GSN: variants seen among roughly 807,000 people sequenced by gnomAD.
The protein encoded by GSN is actin-depolymerizing factor.
A neutral mutation model predicts 85.7 loss-of-function variants in GSN; 56 were observed. That is an observed-to-expected ratio of 0.65 (90% CI 0.53 to 0.82). The LOEUF (loss-of-function observed/expected upper bound fraction) is 0.82, where lower values mean the gene tolerates loss of function less well. GSN is among the 40% of genes least tolerant of loss of function. The pLI is 0.00. For missense variants in GSN, 857 were observed against 979.8 expected (o/e 0.87, Z 1.67); for synonymous variants, 373 against 399.1 (o/e 0.93, Z 0.78).
At chr9:121,265,436 A>G (rs1564366093), upstream of GSN, 1 of 152,224 alleles carries the variant, frequency 6.6e-6, no homozygotes, top group South Asian at 2.1e-4. Context: ...TTAATTAACC[A>G]TGATTGTCAT....
At position 121,299,823 on chromosome 9, in the gene GSN, C is replaced by T. The variant is rs1398706382; in HGVS notation, c.-9-2140C>T. ...GCTACTTAAGGTCGGCGACCCGAGG[C>T]CGCGGCTGCCGACTGGGTCCCCTGC... On this transcript the variant is annotated intron_variant, in intron 2 of 17. Coordinates refer to ENST00000432226, the MANE Select transcript of GSN (RefSeq NM_198252.3). The surrounding 1 kb of genome is among the most constrained non-coding windows in gnomAD (Gnocchi z 4.2). 3 of 1,317,158 alleles carry T rather than the reference C, an allele frequency of 2.3e-6. No homozygotes were observed. Among genetic ancestry groups the T allele is most frequent in the Admixed American group, 3.2e-5 (1 of 30,908 alleles). The allele number at this position is 1,317,158 out of a possible 1,614,324, so 81.6% of individuals were successfully genotyped here.
At chr9:121,255,667 G>A (rs561832707) in intron 6 of GSN, among the ~76,000 whole-genome samples, 107 of 152,086 alleles carry the variant, frequency 7.0e-4, no homozygotes, top group South Asian at 2.3e-3. Flanking sequence ...GTTTATAATG[G>A]AATGGCATTC....
At chr9:121,268,831 G>C (rs1046821658) in intron 1 of GSN, among the ~76,000 whole-genome samples, 3 of 152,200 alleles carry the variant, frequency 2.0e-5, no homozygotes, top group African/African-American at 7.2e-5. Context: ...TGAAGACAGT[G>C]ATTGGAACCC....
intron 7 of GSN, among the ~76,000 whole-genome samples, chr9:121,316,751 G>A (rs2061752966): frequency 6.6e-6 from 1 of 152,236 alleles, no homozygotes; most frequent in Admixed American, 6.5e-5. Flanking sequence ...GATTAAAGGT[G>A]TGCGACACTG....
chr9:121,240,850 A>C (rs1030236256), intron 5 of GSN, among the ~76,000 whole-genome samples: 1 of 152,248 alleles, frequency 6.6e-6, no homozygotes, highest in African/African-American at 2.4e-5. Context: ...ATGTTATGGC[A>C]CTTAAAGGAG....
intron 4 of GSN, among the ~76,000 whole-genome samples, chr9:121,224,881 C>T (rs368101995): frequency 1.1e-4 from 17 of 152,144 alleles, no homozygotes; most frequent in East Asian, 5.8e-4. Context: ...TGCAGCAGCA[C>T]AATCATGGCT....
Position 121,311,945 on chromosome 9 carries a change from C to A in GSN, c.514-394C>A, listed in dbSNP as rs1462828987. ...ACAAGTCTTTTGGTGGACATACGAACGTACTTCTGTCAGGTATTTTCCTAG... is the reference window on the plus strand; with the variant it reads ...ACAAGTCTTTTGGTGGACATACGAAAGTACTTCTGTCAGGTATTTTCCTAG... On this transcript the variant is annotated intron_variant, in intron 5 of 17. Transcript: ENST00000432226. 3 of 235,838 alleles carry A rather than the reference C, an allele frequency of 1.3e-5. No homozygotes were observed. The East Asian group carries it at 3.6e-4, about 28-fold the overall frequency. The allele number at this position is 235,838 out of a possible 1,614,324, so 14.6% of individuals were successfully genotyped here.
chr9:121,207,828 C>T (rs1164434121), exon 1 of GSN: 1 of 151,640 alleles, frequency 6.6e-6, no homozygotes, highest in African/African-American at 2.4e-5. Flanking sequence ...GATATCAGCT[C>T]ACTGAAGCCT....
At chr9:121,226,189 A>C (rs1020576964) in intron 4 of GSN, among the ~76,000 whole-genome samples, 1 of 152,190 alleles carries the variant, frequency 6.6e-6, no homozygotes, top group Non-Finnish European at 1.5e-5. Context: ...TCTTCAAGTC[A>C]TTCCTCCATC....
intron 1 of GSN, among the ~76,000 whole-genome samples, chr9:121,273,141 T>C (rs572836051): frequency 3.7e-4 from 57 of 152,332 alleles, no homozygotes; most frequent in African/African-American, 1.3e-3. Flanking sequence ...CTTTAAGCCA[T>C]GGAGCCTCGC....
At chr9:121,298,789 A>G (rs1286030639) in intron 2 of GSN, among the ~76,000 whole-genome samples, 1 of 152,172 alleles carries the variant, frequency 6.6e-6, no homozygotes, top group Non-Finnish European at 1.5e-5. Flanking sequence ...GATTCTGTGC[A>G]GTGCTAGGAG....
At chr9:121,239,424 G>T in intron 5 of GSN, 1 of 412,526 alleles carries the variant, frequency 2.4e-6, no homozygotes, top group Non-Finnish European at 4.7e-6. Context: ...CAGTTTCCAT[G>T]TTTACATCCT....
At chr9:121,211,200 C>T (rs2053962715) in intron 4 of GSN, among the ~76,000 whole-genome samples, 1 of 152,158 alleles carries the variant, frequency 6.6e-6, no homozygotes, top group Non-Finnish European at 1.5e-5. Context: ...TTAATGAGTA[C>T]AGTTTCAGTT....
At chr9:121,239,256 T>C (rs1334711139) in intron 5 of GSN, 2 of 373,396 alleles carry the variant, frequency 5.4e-6, no homozygotes, top group South Asian at 2.2e-5. Context: ...GGATAACCAA[T>C]ACATGTTTCT....
intron 1 of GSN, among the ~76,000 whole-genome samples, chr9:121,271,770 G>T (rs999739877): frequency 2.0e-5 from 3 of 152,194 alleles, no homozygotes; most frequent in African/African-American, 4.8e-5. Flanking sequence ...TGTGCCATCC[G>T]CAGGACCCTC....
intron 6 of GSN, chr9:121,312,883 TC>T (rs1375471987): frequency 6.1e-6 from 1 of 164,102 alleles, no homozygotes; most frequent in Non-Finnish European, 1.3e-5. Flanking sequence ...TGCCTCAACC[TC>T]CCAAAATGCT....
intron 10 of GSN, among the ~76,000 whole-genome samples, 181 bp downstream of exon 10, chr9:121,319,061 G>A (rs1423692505): frequency 1.3e-5 from 2 of 152,256 alleles, no homozygotes; most frequent in South Asian, 2.1e-4. Context: ...TGAGCCAAGT[G>A]TCTTGGCCCC....
At chr9:121,303,137 T>C in intron 4 of GSN, 72 bp downstream of exon 4, 4 of 1,480,294 alleles carry the variant, frequency 2.7e-6, no homozygotes, top group Non-Finnish European at 3.7e-6. Context: ...CAGGCCCATC[T>C]ATCTTTTGGC....
chr9:121,254,484 A>T (rs1483078438), intron 6 of GSN, among the ~76,000 whole-genome samples: 2 of 152,148 alleles, frequency 1.3e-5, no homozygotes, highest in Non-Finnish European at 2.9e-5. Context: ...ACCACACAGG[A>T]GGAAAGAATT....
Sources: allele counts gnomAD v4.1 joint callset (sites outside exome capture counted in the v4.1 genomes callset), GRCh38; gene constraint gnomAD v4.1.1; non-coding constraint Gnocchi (gnomAD v3.1); transcripts MANE v1.5; gene names NCBI Gene and HGNC (gene_info 2026-07-23, HGNC 2026-07-21).